Variants in CHST8 observed in about 807,000 individuals in gnomAD.
CHST8 encodes carbohydrate sulfotransferase 8.
In CHST8, 10 loss-of-function variants were observed where a neutral mutation model predicts 15.0. The ratio of observed to expected loss-of-function variants is 0.67; its 90% CI spans 0.41 to 1.13. The LOEUF (loss-of-function observed/expected upper bound fraction) is 1.13, where lower values mean the gene tolerates loss of function less well. Ranked by LOEUF, CHST8 falls within the 50% of genes most tolerant of loss-of-function variation. The probability of loss-of-function intolerance (pLI) is 0.00; values close to 1 mark genes in which losing one functional copy is unlikely to be tolerated. For synonymous variants in CHST8, 259 were observed against 256.6 expected (o/e 1.01, Z -0.09); for missense variants, 634 against 608.2 (o/e 1.04, Z -0.45).
chr19:33,632,976 A>T (rs1203593869), intron 1 of CHST8, among the ~76,000 whole-genome samples: 1 of 151,916 alleles, frequency 6.6e-6, no homozygotes, highest in Non-Finnish European at 1.5e-5. Flanking sequence ...GATTACAGAC[A>T]CGCACCACCA....
chr19:33,731,405 G>A (rs548460499), intron 3 of CHST8, among the ~76,000 whole-genome samples: 18 of 152,194 alleles, frequency 1.2e-4, no homozygotes, highest in Non-Finnish European at 2.5e-4. Flanking sequence ...CATGGCATCT[G>A]TAAACTGTCA....
chr19:33,678,050 A>G (rs1474566267), intron 2 of CHST8, among the ~76,000 whole-genome samples: 1 of 152,128 alleles, frequency 6.6e-6, no homozygotes, highest in Non-Finnish European at 1.5e-5. Context: ...GACAGGACAC[A>G]TGTTCAGAAG....
At chr19:33,651,674 A>C (rs1408594755) in intron 1 of CHST8, among the ~76,000 whole-genome samples, 2 of 152,124 alleles carry the variant, frequency 1.3e-5, no homozygotes, top group Admixed American at 6.5e-5. Context: ...ACACTTCAAG[A>C]GCATTTTTTT....
At chr19:33,645,204 T>C (rs762059796) in intron 1 of CHST8, among the ~76,000 whole-genome samples, 13 of 151,608 alleles carry the variant, frequency 8.6e-5, no homozygotes, top group Non-Finnish European at 1.3e-4. Context: ...AGTCAGGAGT[T>C]GGGGGACAGG....
intron 2 of CHST8, among the ~76,000 whole-genome samples, chr19:33,679,033 C>T (rs1412552935): frequency 6.6e-6 from 1 of 152,232 alleles, no homozygotes; most frequent in East Asian, 1.9e-4. Context: ...CTCCTTGTGC[C>T]AGCCACAGGG....
In CHST8 at chr19:33,654,461, A is replaced by G. The variant is rs75878221; in HGVS notation, c.-163-13306A>G. 9.0e-3 allele frequency among the ~76,000 whole-genome samples: 1,368 copies of G among 152,164 alleles called. 12 individuals carry two copies. Among genetic ancestry groups the G allele is most frequent in the Non-Finnish European group, 0.015 (1,041 of 67,996 alleles). Reference sequence around the variant, plus strand: ...TATCCAAACTAATTTAAGACTGTTGACTTTTAAACATTGGTAGCCCTGTGC... The same window carrying G: ...TATCCAAACTAATTTAAGACTGTTGGCTTTTAAACATTGGTAGCCCTGTGC... On this transcript the variant is annotated intron_variant, in intron 1 of 4. Coordinates refer to ENST00000650847, the MANE Select transcript of CHST8 (RefSeq NM_001127895.2).
At chr19:33,675,410 G>A (rs1392072666) in intron 2 of CHST8, among the ~76,000 whole-genome samples, 1 of 152,210 alleles carries the variant, frequency 6.6e-6, no homozygotes, top group Non-Finnish European at 1.5e-5. Flanking sequence ...CCTGCCCCAA[G>A]GACAGGAGCA....
At chr19:33,729,403 G>A (rs1973956020) in intron 3 of CHST8, among the ~76,000 whole-genome samples, 1 of 152,256 alleles carries the variant, frequency 6.6e-6, no homozygotes, top group Non-Finnish European at 1.5e-5. Context: ...GAGCAAGCCA[G>A]AGAGGGAAAT....
At chr19:33,677,161 G>A (rs112884186) in intron 2 of CHST8, among the ~76,000 whole-genome samples, 7 of 76,170 alleles carry the variant, frequency 9.2e-5, no homozygotes, top group African/African-American at 4.4e-4. Flanking sequence ...CAGCCGGCAG[G>A]GGGGGGCACT....
rs775717541 is a variant in CHST8 at position 33,689,267 on chromosome 19, C to G, written c.6C>G (p.Thr2=). 6.3e-7 allele frequency: 1 copy of G among 1,591,934 alleles called. No homozygotes were observed. Among genetic ancestry groups the G allele is most frequent in the Admixed American group, 1.7e-5 (1 of 57,510 alleles). Reference sequence around the variant, plus strand: ...GACCCCTGAGCCAGCCCCGGATGACCCTGCGACCTGGAACAATGCGGCTGG... The same window carrying G: ...GACCCCTGAGCCAGCCCCGGATGACGCTGCGACCTGGAACAATGCGGCTGG... M[T]LRPGTMRLAC... The change falls in exon 3 of 5, where the codon ACC becomes ACG. Residue 2 remains threonine (T), a synonymous_variant. Transcript: ENST00000650847.
chr19:33,644,646 C>A (rs867181613), intron 1 of CHST8, among the ~76,000 whole-genome samples: 3 of 152,136 alleles, frequency 2.0e-5, no homozygotes, highest in Admixed American at 2.0e-4. Flanking sequence ...GAGTCTGAGG[C>A]GGGAGGATCA....
chr19:33,762,232 C>T (rs1364164210), intron 3 of CHST8, among the ~76,000 whole-genome samples: 4 of 152,204 alleles, frequency 2.6e-5, no homozygotes, highest in Non-Finnish European at 5.9e-5. Flanking sequence ...GAGGATCTCT[C>T]CCTGTAGACA....
intron 3 of CHST8, among the ~76,000 whole-genome samples, chr19:33,697,342 A>C (rs1397916049): frequency 2.0e-5 from 3 of 151,900 alleles, no homozygotes; most frequent in Non-Finnish European, 4.4e-5. Context: ...TGATCCTCCC[A>C]TCTCAGCCTC....
intron 2 of CHST8, among the ~76,000 whole-genome samples, chr19:33,683,926 C>T (rs781437219): frequency 1.9e-4 from 29 of 152,212 alleles, no homozygotes; most frequent in Non-Finnish European, 3.2e-4. Context: ...GCAGGGGACT[C>T]AGTTTCTTTA....
At chr19:33,714,854 C>A (rs1479832752) in intron 3 of CHST8, among the ~76,000 whole-genome samples, 1 of 152,236 alleles carries the variant, frequency 6.6e-6, no homozygotes, top group East Asian at 1.9e-4. Context: ...GAGGCCTCCC[C>A]AGCCACATGG....
chr19:33,636,639 G>A (rs1176215502), intron 1 of CHST8, among the ~76,000 whole-genome samples: 3 of 152,152 alleles, frequency 2.0e-5, no homozygotes, highest in African/African-American at 7.2e-5. Flanking sequence ...AGTGGCTCAC[G>A]CCTGTAATCC....
chr19:33,646,250 G>T (rs903111513), intron 1 of CHST8, among the ~76,000 whole-genome samples: 2 of 152,174 alleles, frequency 1.3e-5, no homozygotes, highest in Admixed American at 6.5e-5. Flanking sequence ...GGTGGACAGG[G>T]TACTAGGGAA....
chr19:33,687,048 A>G (rs1411509744), intron 2 of CHST8, among the ~76,000 whole-genome samples: 2 of 151,996 alleles, frequency 1.3e-5, no homozygotes, highest in African/African-American at 2.4e-5. Context: ...ACTCCTTTCT[A>G]TGACTGCCTG....
chr19:33,708,449 C>A (rs1234655279), intron 3 of CHST8, among the ~76,000 whole-genome samples: 1 of 152,152 alleles, frequency 6.6e-6, no homozygotes, highest in Non-Finnish European at 1.5e-5. Flanking sequence ...ATGTGAATAT[C>A]CAGTTATCCC....
Sources: allele counts gnomAD v4.1 joint callset (sites outside exome capture counted in the v4.1 genomes callset), GRCh38; gene constraint gnomAD v4.1.1; transcripts MANE v1.5; gene names NCBI Gene and HGNC (gene_info 2026-07-23, HGNC 2026-07-21).